IAH1: variants seen among roughly 807,000 people sequenced by gnomAD.
IAH1 encodes the protein isoamyl acetate hydrolyzing esterase 1 (putative).
In IAH1, 24 loss-of-function variants were observed where a neutral mutation model predicts 26.7. That is an observed-to-expected ratio of 0.90 (90% CI 0.65 to 1.26). IAH1 has a LOEUF of 1.26. Ranked by LOEUF, IAH1 falls within the 50% of genes most tolerant of loss-of-function variation. The probability of loss-of-function intolerance (pLI) is 0.00; values close to 1 mark genes in which losing one functional copy is unlikely to be tolerated. For synonymous variants in IAH1, 140 were observed against 118.5 expected, an observed-to-expected ratio of 1.18 and a Z score of -1.18; for missense variants, 300 against 299.9, an observed-to-expected ratio of 1.00 and a Z score of 0.00.
chr2:9,474,738 G>A lies in IAH1; in HGVS notation c.81+91G>A. The A allele has an allele frequency of 1.0e-6, 1 of 991,150 alleles. No homozygotes were observed. The highest frequency in any genetic ancestry group is 1.7e-5 in the African/African-American group (1 of 58,076). The allele number at this position is 991,150 out of a possible 1,614,324, so 61.4% of individuals were successfully genotyped here. On this transcript the variant is annotated intron_variant, in intron 1 of 5. Transcript: ENST00000497473. This position sits in a 1 kb window ranked among gnomAD's most constrained non-coding sequence, Gnocchi z 4.3. ...GAGGCTCCTCGCCGTCCTCTTCGGC[G>A]CCCGAGACGGCTGGGCCGGAGGCCT... is the stretch of plus-strand genomic sequence containing the variant.
the IAH1 span, chr2:9,505,531 T>C: frequency 1.2e-4 from 80 of 659,630 alleles, 1 homozygote; most frequent in Admixed American, 2.0e-3. Flanking sequence ...GCCACTGATA[T>C]GGAACTGGGA....
At chr2:9,499,113 C>CTTT (rs59259119), downstream of IAH1, among the ~76,000 whole-genome samples, 5,183 of 46,986 alleles carry the variant, frequency 0.11, 364 homozygotes, top group African/African-American at 0.21. Flanking sequence ...CTTTCTTCTT[C>CTTT]TTTTTTTTTT....
the IAH1 span, chr2:9,502,371 C>G: frequency 9.5e-7 from 1 of 1,049,364 alleles, no homozygotes; most frequent in Non-Finnish European, 1.4e-6. Context: ...CTGAAGATCA[C>G]CGGGGAAGAC....
At chr2:9,491,615 TC>T (rs1662158169), downstream of IAH1, among the ~76,000 whole-genome samples, 1 of 152,210 alleles carries the variant, frequency 6.6e-6, no homozygotes, top group Non-Finnish European at 1.5e-5. Context: ...CTCCACAGTT[TC>T]TGTGGACCAT....
rs751622501 is a variant in IAH1, at chr2:9,478,415, TTA to T, written c.283+47_283+48del. The T allele has an allele frequency of 2.6e-6, 4 of 1,513,354 alleles. No homozygotes were observed. In the East Asian group the frequency reaches 9.4e-5, roughly 35 times the overall value. The allele number at this position is 1,513,354 out of a possible 1,614,324, so 93.7% of individuals were successfully genotyped here. On this transcript the variant is annotated intron_variant, in intron 3 of 5. Transcript: ENST00000497473. ...TCTTCTAGCTCACTTTTAATCATTTTTATGTTACAGCAAACTTGCATTTAATA... is the reference window on the plus strand; with the variant it reads ...TCTTCTAGCTCACTTTTAATCATTTTTGTTACAGCAAACTTGCATTTAATA...
chr2:9,475,488 CTTTT>C (rs60057180), intron 1 of IAH1, among the ~76,000 whole-genome samples: 39 of 144,132 alleles, frequency 2.7e-4, no homozygotes, highest in Admixed American at 4.2e-4. Flanking sequence ...TTCTGTTTAG[CTTTT>C]TTTTTTTTTT....
chr2:9,484,292 T>A, intron 4 of IAH1, 140 bp from the exon 5 acceptor site: 1 of 692,256 alleles, frequency 1.4e-6, no homozygotes. Context: ...CATCAACATA[T>A]ACCCTAAACC....
At position 9,489,372 on chromosome 2, in the gene IAH1, C is replaced by CT. The variant is rs1457912695; in HGVS notation, c.*1043_*1044insT. 1.3e-5 allele frequency: 2 copies of CT among 150,120 alleles called. No homozygotes were observed. Among genetic ancestry groups the CT allele is most frequent in the African/African-American group, 5.0e-5 (2 of 40,338 alleles). The allele number at this position is 150,120 out of a possible 1,614,324, so 9.3% of individuals were successfully genotyped here. On this transcript the variant is annotated 3_prime_UTR_variant, in exon 6 of 6. Transcript: ENST00000497473. ...TGCTGGGATTACAGGCATGAGCCACCACTCCCAGCCAATAGTGAATTTTCT... is the reference window on the plus strand; with the variant it reads ...TGCTGGGATTACAGGCATGAGCCACCTACTCCCAGCCAATAGTGAATTTTCT...
chr2:9,498,359 GA>G (rs1208114705), downstream of IAH1, among the ~76,000 whole-genome samples: 1 of 151,974 alleles, frequency 6.6e-6, no homozygotes, highest in Non-Finnish European at 1.5e-5. Context: ...ACCCACCAAA[GA>G]AAGTTAAACT....
At position 9,474,570 on chromosome 2, in the gene IAH1, G is replaced by C. The variant is rs572817126; in HGVS notation, c.4G>C (p.Ala2Pro). 382 of 1,485,764 alleles carry C rather than the reference G, an allele frequency of 2.6e-4. 2 individuals are homozygous for C. Among genetic ancestry groups the C allele is most frequent in the Admixed American group, 1.7e-3 (82 of 47,800 alleles). The allele number at this position is 1,485,764 out of a possible 1,614,324, so 92.0% of individuals were successfully genotyped here. The change falls in exon 1 of 6, where the codon GCG (alanine) becomes CCG (proline). Residue 2 changes from alanine to proline, a missense_variant. Transcript: ENST00000497473. This position sits in a 1 kb window ranked among gnomAD's most constrained non-coding sequence, Gnocchi z 4.3. M[A>P]LCEAAGCGSA... is the part of the protein sequence containing the mutation. The stretch of plus-strand genomic sequence containing the variant: ...CCCCGCCCCGCCCGGCTGCTCCATG[G>C]CGCTGTGCGAGGCCGCGGGCTGCGG...
chr2:9,482,030 CTCT>C (rs1661205561), intron 4 of IAH1, among the ~76,000 whole-genome samples: 3 of 96,452 alleles, frequency 3.1e-5, no homozygotes, highest in Non-Finnish European at 2.3e-5. Flanking sequence ...TATGGAAGTT[CTCT>C]TTTTTTTTTT....
At chr2:9,491,102 C>T, downstream of IAH1, 1 of 1,612,892 alleles carries the variant, frequency 6.2e-7, no homozygotes, top group Non-Finnish European at 8.5e-7. Context: ...TATACTTACA[C>T]TGGGGTGAAA....
intron 4 of IAH1, among the ~76,000 whole-genome samples, chr2:9,482,769 C>G (rs1026588024): frequency 1.3e-5 from 2 of 152,202 alleles, no homozygotes; most frequent in Non-Finnish European, 2.9e-5. Context: ...ACAGCATATG[C>G]CAAGGGGTGC....
At chr2:9,502,861 AAGAG>A in the IAH1 span, among the ~76,000 whole-genome samples, 13 of 141,132 alleles carry the variant, frequency 9.2e-5, no homozygotes, top group Non-Finnish European at 2.0e-4. Context: ...CCTAGGCAAC[AAGAG>A]AGAAATTCTG....
At chr2:9,476,064 G>A (rs1304965653) in intron 2 of IAH1, 25 bp downstream of exon 2, 3 of 1,591,152 alleles carry the variant, frequency 1.9e-6, no homozygotes, top group South Asian at 1.1e-5. Flanking sequence ...CGATACTTGA[G>A]TTCTTATGGA....
chr2:9,500,019 C>T (rs1329745132), downstream of IAH1, among the ~76,000 whole-genome samples: 1 of 152,192 alleles, frequency 6.6e-6, no homozygotes, highest in Non-Finnish European at 1.5e-5. Flanking sequence ...AAAGATTAAG[C>T]ATAGTTACCA....
At chr2:9,491,884 TC>T (rs1020591170), downstream of IAH1, among the ~76,000 whole-genome samples, 2 of 152,198 alleles carry the variant, frequency 1.3e-5, no homozygotes, top group African/African-American at 4.8e-5. Context: ...ATGTGCAACT[TC>T]CCTGTAAACA....
At chr2:9,497,014 C>A (rs373207438), downstream of IAH1, 81 of 1,535,212 alleles carry the variant, frequency 5.3e-5, no homozygotes, top group African/African-American at 9.4e-4. Context: ...TTGGATCTCA[C>A]CACTGCTGTC....
intron 3 of IAH1, among the ~76,000 whole-genome samples, chr2:9,479,794 GCTTTTTTTTTTTTT>G (rs1355969311): frequency 2.4e-5 from 2 of 81,736 alleles, no homozygotes; most frequent in East Asian, 1.1e-3. Flanking sequence ...TCTGTGTATT[GCTTTTTTTTTTTTT>G]TTTTTTTTTT....
Sources: gnomAD v4.1 joint callset for allele counts (sites outside exome capture counted in the v4.1 genomes callset) on GRCh38, gnomAD v4.1.1 for gene constraint, Gnocchi (gnomAD v3.1) non-coding constraint, MANE v1.5 for transcripts, NCBI Gene and HGNC (gene_info 2026-07-23, HGNC 2026-07-21) for gene names.